The following FBXL13 variants were observed in gnomAD, a reference collection of about 807,000 sequenced individuals.
The protein encoded by FBXL13 is F-box and leucine-rich repeat protein 13.
In FBXL13, 67 loss-of-function variants were observed where a neutral mutation model predicts 83.6. The ratio of observed to expected loss-of-function variants is 0.80; its 90% CI spans 0.66 to 0.98. FBXL13 has a LOEUF of 0.98. Among genes scored for constraint, FBXL13 ranks in the 50% least tolerant of loss-of-function variants. The probability of loss-of-function intolerance (pLI) is 0.00; values close to 1 mark genes in which losing one functional copy is unlikely to be tolerated. For missense variants in FBXL13, 822 were observed against 866.5 expected (o/e 0.95, Z 0.64); for synonymous variants, 272 against 299.5 (o/e 0.91, Z 0.95).
intron 17 of FBXL13, among the ~76,000 whole-genome samples, chr7:102,847,368 G>A (rs1482914346): frequency 1.3e-5 from 2 of 152,220 alleles, no homozygotes; most frequent in Non-Finnish European, 2.9e-5. Context: ...ACTCTTGACA[G>A]CTAGTCCCAC....
intron 15 of FBXL13, 147 bp from the exon 17 acceptor site, chr7:102,877,740 A>C (rs1409804886): frequency 3.1e-5 from 23 of 742,654 alleles, no homozygotes; most frequent in Non-Finnish European, 4.2e-5. Context: ...TAAAAGTAGA[A>C]AGTAATTTGA....
chr7:102,900,080 A>G (rs773212786), intron 11 of FBXL13, among the ~76,000 whole-genome samples: 5 of 152,150 alleles, frequency 3.3e-5, no homozygotes, highest in African/African-American at 4.8e-5. Flanking sequence ...AATAATCCCA[A>G]AATAATTCAG....
chr7:103,034,278 C>T (rs553453897), intron 2 of FBXL13, among the ~76,000 whole-genome samples: 71 of 152,316 alleles, frequency 4.7e-4, no homozygotes, highest in Non-Finnish European at 8.8e-4. Context: ...TGGGACTGCG[C>T]ACCGTGGAGC....
chr7:102,834,090 G>GGAGAGA (rs60060071), intron 17 of FBXL13, among the ~76,000 whole-genome samples: 3 of 70,490 alleles, frequency 4.3e-5, no homozygotes, highest in African/African-American at 1.2e-4. Flanking sequence ...GGAAAGAAAA[G>GGAGAGA]AAAGAAAGAA....
intron 6 of FBXL13, among the ~76,000 whole-genome samples, chr7:102,994,448 C>G (rs1037829402): frequency 9.9e-5 from 15 of 151,076 alleles, no homozygotes; most frequent in Non-Finnish European, 2.1e-4. Flanking sequence ...GATATAGAGG[C>G]TATAAGCTTA....
downstream of FBXL13, among the ~76,000 whole-genome samples, chr7:102,811,381 C>T (rs1324159502): frequency 2.0e-5 from 3 of 152,166 alleles, no homozygotes; most frequent in Admixed American, 6.5e-5. Flanking sequence ...TAGTTTGCAT[C>T]GAAAACTTAA....
chr7:102,996,388 T>C (rs1789792020), intron 6 of FBXL13, among the ~76,000 whole-genome samples: 1 of 152,198 alleles, frequency 6.6e-6, no homozygotes, highest in East Asian at 1.9e-4. Context: ...ACTGATATAA[T>C]GACTTATTAA....
At chr7:102,849,661 G>A (rs1189001088) in intron 17 of FBXL13, among the ~76,000 whole-genome samples, 2 of 152,114 alleles carry the variant, frequency 1.3e-5, no homozygotes, top group African/African-American at 4.8e-5. Flanking sequence ...AAGGAATTGT[G>A]AAATTAGTTT....
At chr7:102,965,004 T>C (rs2129479972) in intron 7 of FBXL13, among the ~76,000 whole-genome samples, 2 of 152,276 alleles carry the variant, frequency 1.3e-5, no homozygotes, top group Middle Eastern at 6.8e-3. Flanking sequence ...GCTCTCTGAT[T>C]GGCTGATTCA....
intron 8 of FBXL13, among the ~76,000 whole-genome samples, chr7:102,960,594 T>C (rs1234461293): frequency 6.6e-6 from 1 of 152,072 alleles, no homozygotes; most frequent in Non-Finnish European, 1.5e-5. Flanking sequence ...AATAAAATAC[T>C]GGCAAAACGA....
intron 6 of FBXL13, among the ~76,000 whole-genome samples, chr7:103,024,821 G>GTATA (rs1554505154): frequency 6.7e-5 from 8 of 119,770 alleles, no homozygotes; most frequent in African/African-American, 2.2e-4. Context: ...ACATATATAT[G>GTATA]TATATATATG....
chr7:102,930,456 C>T (rs993871493), intron 9 of FBXL13, among the ~76,000 whole-genome samples: 7 of 152,158 alleles, frequency 4.6e-5, no homozygotes, highest in African/African-American at 1.7e-4. Flanking sequence ...ATGCCTAATG[C>T]CTCACCTTCT....
chr7:103,046,301 A>G (rs1166453219), intron 2 of FBXL13, among the ~76,000 whole-genome samples: 2 of 152,262 alleles, frequency 1.3e-5, no homozygotes, highest in Non-Finnish European at 2.9e-5. Context: ...AAGAGAATTT[A>G]AAGTCTGTTG....
chr7:102,828,461 A>G (rs1444961471), intron 18 of FBXL13, among the ~76,000 whole-genome samples: 1 of 152,216 alleles, frequency 6.6e-6, no homozygotes, highest in Non-Finnish European at 1.5e-5. Flanking sequence ...AGCTGCACTA[A>G]GAAAATAAAG....
chr7:102,990,879 G>T lies in FBXL13; in HGVS notation c.496-22762C>A, dbSNP rs1190466653. On this transcript the variant is annotated intron_variant, in intron 6 of 19. Coordinates refer to ENST00000313221, the Ensembl canonical transcript of FBXL13. ...AGGGCTCGTCTGGAGCAATGATGGA[G>T]AATGCAGCTGAGAGGTAGTGGAGGC... 2.0e-5 allele frequency among the ~76,000 whole-genome samples: 3 copies of T among 152,260 alleles called. No homozygotes were observed. The East Asian group carries it at 5.8e-4, about 29-fold the overall frequency.
intron 6 of FBXL13, chr7:102,988,787 G>C (rs1198001360): frequency 1.3e-5 from 2 of 152,214 alleles, no homozygotes; most frequent in Non-Finnish European, 1.5e-5. Context: ...GGACACCCTA[G>C]GCTGCTTATC....
At chr7:102,889,769 C>A (rs1811286488) in intron 11 of FBXL13, among the ~76,000 whole-genome samples, 1 of 152,148 alleles carries the variant, frequency 6.6e-6, no homozygotes, top group African/African-American at 2.4e-5. Flanking sequence ...TATGACAATT[C>A]TAAATTCCCC....
intron 11 of FBXL13, among the ~76,000 whole-genome samples, chr7:102,892,473 T>A (rs1811658658): frequency 6.6e-6 from 1 of 152,062 alleles, no homozygotes; most frequent in East Asian, 1.9e-4. Context: ...AATTCTACAA[T>A]TTTTTTTCAA....
chr7:103,038,748 T>G (rs537597822), intron 2 of FBXL13, among the ~76,000 whole-genome samples: 1 of 152,216 alleles, frequency 6.6e-6, no homozygotes, highest in East Asian at 1.9e-4. Flanking sequence ...AAAGGAAAAC[T>G]AACAAACAGA....
Sources: gnomAD v4.1 joint callset for allele counts (sites outside exome capture counted in the v4.1 genomes callset) on GRCh38, gnomAD v4.1.1 for gene constraint, MANE v1.5 for transcripts, NCBI Gene and HGNC (gene_info 2026-07-23, HGNC 2026-07-21) for gene names.